The following PCDH15 variants were observed in gnomAD, a reference collection of about 807,000 sequenced individuals.
PCDH15 encodes the protein protocadherin related 15.
A neutral mutation model predicts 178.5 loss-of-function variants in PCDH15; 129 were observed. That is an observed-to-expected ratio of 0.72 (90% CI 0.63 to 0.84). The LOEUF is 0.84. Ranked by LOEUF, PCDH15 falls within the 40% of genes least tolerant of loss-of-function variation. The probability of loss-of-function intolerance (pLI) is 0.00; values close to 1 mark genes in which losing one functional copy is unlikely to be tolerated. For missense variants in PCDH15, 2,230 were observed against 2,099.9 expected (o/e 1.06, Z -1.21); for synonymous variants, 800 against 732.0 (o/e 1.09, Z -1.50).
chr10:55,378,157 T>G (rs1473443236), intron 2 of PCDH15, among the ~76,000 whole-genome samples: 1 of 152,076 alleles, frequency 6.6e-6, no homozygotes, highest in Non-Finnish European at 1.5e-5. Context: ...TTTATACCTA[T>G]GTAACAAACC....
intron 2 of PCDH15, among the ~76,000 whole-genome samples, chr10:54,983,650 C>A (rs557309256): frequency 3.3e-5 from 5 of 152,090 alleles, no homozygotes; most frequent in African/African-American, 1.2e-4. Flanking sequence ...GTTATTATAA[C>A]CTTAGCAGTT....
chr10:54,525,220 G>C (rs12218773), intron 3 of PCDH15, among the ~76,000 whole-genome samples: 1 of 152,190 alleles, frequency 6.6e-6, no homozygotes, highest in Non-Finnish European at 1.5e-5. Context: ...AGATTATTTA[G>C]CAATAGACAT....
chr10:54,600,326 A>C (rs1391416289), intron 2 of PCDH15: 1 of 540,634 alleles, frequency 1.8e-6, no homozygotes, highest in East Asian at 5.0e-5. Context: ...TCCAGGAAGA[A>C]AGACATAGCT....
chr10:54,542,870 GCCATGCCC>G (rs1454718113), intron 2 of PCDH15, among the ~76,000 whole-genome samples: 6 of 152,162 alleles, frequency 3.9e-5, no homozygotes. Flanking sequence ...ACCCTGGCCT[GCCATGCCC>G]CCATCCTGGG....
chr10:54,856,079 A>C (rs982727127), intron 3 of PCDH15, among the ~76,000 whole-genome samples: 1 of 152,222 alleles, frequency 6.6e-6, no homozygotes, highest in African/African-American at 2.4e-5. Flanking sequence ...TGATTAATAC[A>C]TATGATTGTA....
intron 2 of PCDH15, among the ~76,000 whole-genome samples, chr10:55,503,738 T>C (rs191518033): frequency 4.6e-5 from 7 of 151,530 alleles, no homozygotes; most frequent in African/African-American, 9.6e-5. Flanking sequence ...CACACACTTA[T>C]GAAAATTACC....
intron 2 of PCDH15, among the ~76,000 whole-genome samples, chr10:54,949,325 T>C (rs1455406427): frequency 1.3e-5 from 2 of 151,844 alleles, no homozygotes; most frequent in African/African-American, 4.8e-5. Context: ...AGAAGAAGGA[T>C]GAACACAAGA....
At chr10:54,358,186 G>C (rs1945354825) in intron 5 of PCDH15, among the ~76,000 whole-genome samples, 1 of 148,928 alleles carries the variant, frequency 6.7e-6, no homozygotes, top group South Asian at 2.1e-4. Flanking sequence ...AAACTAAAGA[G>C]CTTCTGCACA....
intron 3 of PCDH15, among the ~76,000 whole-genome samples, chr10:54,525,883 A>C (rs2083314004): frequency 6.6e-6 from 1 of 152,240 alleles, no homozygotes; most frequent in Non-Finnish European, 1.5e-5. Flanking sequence ...AATATCTGGC[A>C]GAGGTTCATT....
In PCDH15 at chr10:54,296,801, C is replaced by T. The variant is rs147722966; in HGVS notation, c.876+20470G>A. Among the ~76,000 whole-genome samples, 1,169 of 152,270 alleles carry T rather than the reference C, an allele frequency of 7.7e-3. 46 individuals are homozygous for T. The highest frequency in any genetic ancestry group is 0.071 in the Admixed American group (1,084 of 15,296). ...TATTCATATAAGTGAGGACAAAAGG[C>T]ATCACTCTTCCAACCCTGGAGATCT... On this transcript the variant is annotated intron_variant, in intron 8 of 37. Transcript: ENST00000644397.
At chr10:54,597,292 A>G (rs1474293788) in intron 2 of PCDH15, among the ~76,000 whole-genome samples, 6 of 152,156 alleles carry the variant, frequency 3.9e-5, no homozygotes, top group Non-Finnish European at 8.8e-5. Flanking sequence ...AGAACAAGAA[A>G]ATCAGTCAAA....
At chr10:54,375,266 C>A (rs954986691) in intron 4 of PCDH15, among the ~76,000 whole-genome samples, 2 of 151,948 alleles carry the variant, frequency 1.3e-5, no homozygotes, top group Non-Finnish European at 2.9e-5. Flanking sequence ...ACTGGCATGG[C>A]ATGAACACAG....
intron 20 of PCDH15, among the ~76,000 whole-genome samples, chr10:54,013,085 A>G (rs1472074247): frequency 6.6e-6 from 1 of 152,206 alleles, no homozygotes; most frequent in Non-Finnish European, 1.5e-5. Flanking sequence ...GAAAACAGAA[A>G]ATAGAAAAAG....
intron 18 of PCDH15, among the ~76,000 whole-genome samples, chr10:54,031,881 C>A (rs2093304777): frequency 6.6e-6 from 1 of 151,978 alleles, no homozygotes. Flanking sequence ...GTAAGGCTGT[C>A]TTTTCCCTTT....
chr10:54,727,676 A>T (rs546517014), intron 1 of PCDH15, among the ~76,000 whole-genome samples: 1 of 151,480 alleles, frequency 6.6e-6, no homozygotes, highest in South Asian at 2.1e-4. Context: ...AAACAATAAG[A>T]TTAATAGACT....
chr10:54,181,574 T>C (rs1456910838), intron 13 of PCDH15, among the ~76,000 whole-genome samples: 1 of 152,130 alleles, frequency 6.6e-6, no homozygotes, highest in Non-Finnish European at 1.5e-5. Context: ...CCAGTGTCTT[T>C]TGTTGCCATC....
chr10:53,981,114 A>G (rs1388464467), intron 21 of PCDH15, among the ~76,000 whole-genome samples: 1 of 152,122 alleles, frequency 6.6e-6, no homozygotes, highest in African/African-American at 2.4e-5. Context: ...GATTTTTAAA[A>G]TAAAAATGTG....
chr10:54,006,937 T>C (rs1453393633), intron 20 of PCDH15, among the ~76,000 whole-genome samples: 1 of 152,116 alleles, frequency 6.6e-6, no homozygotes, highest in African/African-American at 2.4e-5. Context: ...TAGTCTCCCG[T>C]CTTCACAGAA....
intron 3 of PCDH15, among the ~76,000 whole-genome samples, chr10:54,402,756 A>G (rs1952094051): frequency 6.6e-6 from 1 of 151,974 alleles, no homozygotes; most frequent in Non-Finnish European, 1.5e-5. Flanking sequence ...TTAATTCATG[A>G]AATGTTTTGT....
Sources: allele counts gnomAD v4.1 joint callset (sites outside exome capture counted in the v4.1 genomes callset), GRCh38; gene constraint gnomAD v4.1.1; transcripts MANE v1.5; gene names NCBI Gene and HGNC (gene_info 2026-07-23, HGNC 2026-07-21).